Variants in GRM8 observed in about 807,000 individuals in gnomAD.
GRM8 encodes metabotropic glutamate receptor 8.
GRM8 carries 47 observed loss-of-function variants against 87.2 expected under a neutral mutation model. That is an observed-to-expected ratio of 0.54 (90% confidence interval 0.43 to 0.69). The LOEUF is 0.69. Ranked by LOEUF, GRM8 falls within the 30% of genes least tolerant of loss-of-function variation. The probability of loss-of-function intolerance (pLI) is 0.00; values close to 1 mark genes in which losing one functional copy is unlikely to be tolerated. For missense variants in GRM8, 1,019 were observed against 1,139.2 expected (o/e 0.89, Z 1.52); for synonymous variants, 396 against 404.5 (o/e 0.98, Z 0.25).
At chr7:126,957,235 G>T (rs773241284) in intron 3 of GRM8, among the ~76,000 whole-genome samples, 2 of 152,126 alleles carry the variant, frequency 1.3e-5, no homozygotes, top group Non-Finnish European at 2.9e-5. Flanking sequence ...TGAAAAAAAA[G>T]TCAAAAACCT....
chr7:126,663,664 G>A (rs982138396), intron 7 of GRM8, among the ~76,000 whole-genome samples: 1 of 152,112 alleles, frequency 6.6e-6, no homozygotes, highest in Non-Finnish European at 1.5e-5. Flanking sequence ...AGCCATCTAT[G>A]ACAAACTCAC....
intron 7 of GRM8, among the ~76,000 whole-genome samples, chr7:126,662,973 C>T (rs543918074): frequency 6.6e-6 from 1 of 152,308 alleles, no homozygotes; most frequent in East Asian, 1.9e-4. Flanking sequence ...CATTTTCTCA[C>T]TCTGAAGGAA....
At chr7:127,040,196 G>T (rs1450889281) in intron 3 of GRM8, among the ~76,000 whole-genome samples, 1 of 151,890 alleles carries the variant, frequency 6.6e-6, no homozygotes, top group African/African-American at 2.4e-5. Flanking sequence ...TCCAGGAATG[G>T]GCTGCTTTAG....
chr7:126,441,856 T>G (rs768442807), intron 10 of GRM8, among the ~76,000 whole-genome samples: 3 of 152,108 alleles, frequency 2.0e-5, no homozygotes, highest in Non-Finnish European at 4.4e-5. Context: ...TTTCATTGAA[T>G]ATTATGAGCT....
At chr7:126,534,990 A>C (rs1418630293) in intron 8 of GRM8, among the ~76,000 whole-genome samples, 2 of 152,202 alleles carry the variant, frequency 1.3e-5, no homozygotes, top group African/African-American at 4.8e-5. Flanking sequence ...ATAAGGAGAC[A>C]GCTTGGAAGT....
chr7:127,158,678 T>C (rs1376243853), intron 2 of GRM8, among the ~76,000 whole-genome samples: 7 of 152,162 alleles, frequency 4.6e-5, no homozygotes, highest in African/African-American at 1.7e-4. Context: ...TCCATGACAG[T>C]GGAGCCCTCA....
intron 6 of GRM8, among the ~76,000 whole-genome samples, chr7:126,899,658 C>T (rs1211416722): frequency 3.9e-5 from 6 of 152,086 alleles, no homozygotes; most frequent in South Asian, 2.1e-4. Flanking sequence ...TTAAAGGTAA[C>T]ATTGGTCTTT....
intron 3 of GRM8, among the ~76,000 whole-genome samples, chr7:127,052,660 T>C (rs2132505419): frequency 6.6e-6 from 1 of 152,322 alleles, no homozygotes; most frequent in Non-Finnish European, 1.5e-5. Flanking sequence ...TACAGCAATG[T>C]TCACTACTTT....
At chr7:126,488,289 C>T (rs1400880000) in intron 9 of GRM8, among the ~76,000 whole-genome samples, 1 of 152,004 alleles carries the variant, frequency 6.6e-6, no homozygotes, top group Non-Finnish European at 1.5e-5. Context: ...CCCACCAGTA[C>T]TTTTGTGCCA....
At chr7:126,684,629 T>C (rs966652982) in intron 7 of GRM8, among the ~76,000 whole-genome samples, 6 of 152,126 alleles carry the variant, frequency 3.9e-5, no homozygotes, top group African/African-American at 1.4e-4. Context: ...GAGTTGCATC[T>C]CTCCAGCACA....
At chr7:126,858,010 C>T (rs1179450466) in intron 6 of GRM8, among the ~76,000 whole-genome samples, 1 of 152,050 alleles carries the variant, frequency 6.6e-6, no homozygotes, top group Non-Finnish European at 1.5e-5. Context: ...GAGGAAGAAA[C>T]AATTTTCCAC....
intron 6 of GRM8, among the ~76,000 whole-genome samples, chr7:126,861,436 A>G (rs1798125422): frequency 6.6e-6 from 1 of 152,092 alleles, no homozygotes; most frequent in African/African-American, 2.4e-5. Context: ...CTAGTATAGA[A>G]TGCAAATTTT....
intron 3 of GRM8, among the ~76,000 whole-genome samples, chr7:127,088,994 C>T (rs1823787887): frequency 6.6e-6 from 1 of 152,172 alleles, no homozygotes. Context: ...ACTAAAGGTG[C>T]TGTATTGGGT....
In GRM8 at chr7:127,170,937, T is replaced by C. The variant is rs532393854; in HGVS notation, c.511-64225A>G. 6.0e-4 allele frequency among the ~76,000 whole-genome samples: 92 copies of C among 152,202 alleles called. 1 individual carries two copies. Among genetic ancestry groups the C allele is most frequent in the African/African-American group, 2.2e-3 (91 of 41,532 alleles). On this transcript the variant is annotated intron_variant, in intron 2 of 10. Transcript: ENST00000339582. The stretch of plus-strand genomic sequence containing the variant: ...GCACCAAAATTTCAGAAATCACCAC[T>C]AAAGAACTTATTCATGTAACCAAAC...
chr7:126,976,354 G>A (rs1212525737), intron 3 of GRM8, among the ~76,000 whole-genome samples: 1 of 152,166 alleles, frequency 6.6e-6, no homozygotes, highest in African/African-American at 2.4e-5. Flanking sequence ...CCAGCACTTT[G>A]GGAGGCCGAA....
chr7:126,653,663 T>C (rs943683176), intron 7 of GRM8, among the ~76,000 whole-genome samples: 3 of 152,186 alleles, frequency 2.0e-5, no homozygotes, highest in Admixed American at 6.5e-5. Flanking sequence ...TATGGAAACT[T>C]CAAAAATCAC....
At chr7:126,718,721 G>T (rs769140658) in intron 7 of GRM8, among the ~76,000 whole-genome samples, 6 of 152,160 alleles carry the variant, frequency 3.9e-5, no homozygotes, top group Non-Finnish European at 8.8e-5. Context: ...TCCATGTCCA[G>T]AACGGCCTGA....
chr7:126,663,636 A>G (rs1190296453), intron 7 of GRM8, among the ~76,000 whole-genome samples: 1 of 152,190 alleles, frequency 6.6e-6, no homozygotes, highest in Non-Finnish European at 1.5e-5. Flanking sequence ...TCAAAAGAAC[A>G]TATCTCAAAA....
chr7:126,531,417 A>T (rs1409066275), intron 9 of GRM8, among the ~76,000 whole-genome samples: 1 of 152,252 alleles, frequency 6.6e-6, no homozygotes, highest in Non-Finnish European at 1.5e-5. Flanking sequence ...GAATTTTGCA[A>T]GCCACACTCA....
Sources: allele counts gnomAD v4.1 joint callset (sites outside exome capture counted in the v4.1 genomes callset), GRCh38; gene constraint gnomAD v4.1.1; transcripts MANE v1.5; gene names NCBI Gene and HGNC (gene_info 2026-07-23, HGNC 2026-07-21).